C2CD2: variants seen among roughly 807,000 people sequenced by gnomAD.
C2CD2 encodes C2 calcium dependent domain containing 2.
Under a neutral mutation model 74.3 loss-of-function variants are expected in C2CD2, and 43 were observed. The observed-to-expected ratio is 0.58, with a 90% CI of 0.45 to 0.75. The LOEUF (loss-of-function observed/expected upper bound fraction) is 0.75. C2CD2 is among the 30% of genes least tolerant of loss of function. The probability of loss-of-function intolerance (pLI) is 0.00; values close to 1 mark genes in which losing one functional copy is unlikely to be tolerated. For synonymous variants in C2CD2, 422 were observed against 390.7 expected, an observed-to-expected ratio of 1.08 and a Z score of -0.94; for missense variants, 801 against 916.3, an observed-to-expected ratio of 0.87 and a Z score of 1.63.
intron 4 of C2CD2, among the ~76,000 whole-genome samples, chr21:41,918,631 G>A (rs1392304632): frequency 1.3e-5 from 2 of 152,058 alleles, no homozygotes; most frequent in Non-Finnish European, 2.9e-5. Context: ...TGCAGCTCAG[G>A]TGGGAGCCCT....
chr21:41,893,767 T>C (rs1414969345), intron 13 of C2CD2, among the ~76,000 whole-genome samples: 3 of 150,520 alleles, frequency 2.0e-5, no homozygotes, highest in South Asian at 2.1e-4. Context: ...AGTGGTGCTA[T>C]CTCAGCTCAC....
intron 2 of C2CD2, among the ~76,000 whole-genome samples, chr21:41,937,148 C>T (rs1270859371): frequency 6.8e-6 from 1 of 146,188 alleles, no homozygotes; most frequent in African/African-American, 2.6e-5. Context: ...GACGGCATCT[C>T]ACTCTGTTAC....
At chr21:41,896,005 A>C (rs748867660) in intron 13 of C2CD2, among the ~76,000 whole-genome samples, 2 of 152,146 alleles carry the variant, frequency 1.3e-5, no homozygotes, top group Non-Finnish European at 2.9e-5. Flanking sequence ...CAGGTACCAG[A>C]GCGAGCGCCC....
rs10528071 is a variant in C2CD2, at chr21:41,908,243, T to TTGTGTG, written c.1019-465_1019-460dup. On this transcript the variant is annotated intron_variant, in intron 8 of 13. Coordinates refer to ENST00000380486, the MANE Select transcript of C2CD2 (RefSeq NM_015500.2). ...AAGATGCATACAATTTACCCTCAAGTTGTGTGTGTGTGTGTGTGTAAAAGA... is the reference window on the plus strand; with the variant it reads ...AAGATGCATACAATTTACCCTCAAGTTGTGTGTGTGTGTGTGTGTGTGTGTAAAAGA... The TTGTGTG allele has an allele frequency of 4.1e-3, 690 of 168,952 alleles. 9 individuals are homozygous for TTGTGTG. Among genetic ancestry groups the TTGTGTG allele is most frequent in the Non-Finnish European group, 5.9e-3 (485 of 82,516 alleles). 10.5% of individuals were successfully genotyped at this position (168,952 alleles called of 1,614,324 possible). A position where few individuals can be genotyped will look rare whatever the true frequency, so the allele number is the denominator to read the frequency against.
At chr21:41,948,931 T>C (rs1425998134) in intron 1 of C2CD2, among the ~76,000 whole-genome samples, 1 of 142,102 alleles carries the variant, frequency 7.0e-6, no homozygotes, top group South Asian at 2.4e-4. Context: ...ATAGTCTTGA[T>C]CATTTGCAAT....
At chr21:41,916,782 T>C (rs1462337897) in intron 5 of C2CD2, among the ~76,000 whole-genome samples, 2 of 152,132 alleles carry the variant, frequency 1.3e-5, no homozygotes, top group African/African-American at 4.8e-5. Context: ...AAATAAACTG[T>C]ACAAATTTAT....
chr21:41,896,707 CAA>C (rs71332341), intron 13 of C2CD2, among the ~76,000 whole-genome samples: 1,628 of 73,636 alleles, frequency 0.022, 33 homozygotes, highest in African/African-American at 0.079. Flanking sequence ...GTTCTTAAAC[CAA>C]AAAAAAAAAA....
At position 41,920,760 on chromosome 21, in the gene C2CD2, C is replaced by T. The variant is rs746706985; in HGVS notation, c.492+1212G>A. 7.0e-4 allele frequency among the ~76,000 whole-genome samples: 106 copies of T among 152,316 alleles called. 1 individual carries two copies. In the Middle Eastern group the frequency reaches 0.014, roughly 20 times the overall value. On this transcript the variant is annotated intron_variant, in intron 3 of 13. Transcript: ENST00000380486. ...AACAGATCAAAGATACAATTGTGTT[C>T]CTTCTGTGTGAGCTGCTTAAAATGG...
chr21:41,950,572 C>T (rs774804677), intron 1 of C2CD2, among the ~76,000 whole-genome samples: 1 of 152,202 alleles, frequency 6.6e-6, no homozygotes, highest in East Asian at 1.9e-4. Flanking sequence ...ACATTAACAA[C>T]TCTACTCTCT....
chr21:41,946,773 A>T (rs1909130043), intron 1 of C2CD2, among the ~76,000 whole-genome samples: 1 of 152,218 alleles, frequency 6.6e-6, no homozygotes, highest in Non-Finnish European at 1.5e-5. Flanking sequence ...ACACGCTGAC[A>T]TCACAAGCCC....
intron 13 of C2CD2, among the ~76,000 whole-genome samples, chr21:41,897,411 A>G (rs2064836723): frequency 6.6e-6 from 1 of 152,154 alleles, no homozygotes; most frequent in Admixed American, 6.5e-5. Context: ...ACTGTCTACA[A>G]GACAAAGAAT....
At chr21:41,927,448 G>A (rs1020085379) in intron 2 of C2CD2, among the ~76,000 whole-genome samples, 15 of 151,884 alleles carry the variant, frequency 9.9e-5, no homozygotes, top group Non-Finnish European at 1.3e-4. Flanking sequence ...GGGAACCACC[G>A]CACCGGGCTT....
intron 13 of C2CD2, among the ~76,000 whole-genome samples, chr21:41,896,029 C>G (rs2064818264): frequency 6.6e-6 from 1 of 152,034 alleles, no homozygotes; most frequent in South Asian, 2.1e-4. Context: ...CCTGATAGGC[C>G]CTGTACAACC....
Position 41,903,819 on chromosome 21 carries a change from C to T in C2CD2, c.1432+1905G>A, listed in dbSNP as rs2064928386. Reference sequence around the variant, plus strand: ...CATGCATCAGAACCCACAGTGGGAACATCAGCCTAGGTCTTTTAAGAGGGA... The same window carrying T: ...CATGCATCAGAACCCACAGTGGGAATATCAGCCTAGGTCTTTTAAGAGGGA... On this transcript the variant is annotated intron_variant, in intron 11 of 13. Coordinates refer to ENST00000380486, the MANE Select transcript of C2CD2 (RefSeq NM_015500.2). This position sits in a 1 kb window ranked among gnomAD's most constrained non-coding sequence, Gnocchi z 4.5. Among the ~76,000 whole-genome samples, 1 of 152,138 alleles carries T rather than the reference C, an allele frequency of 6.6e-6. No homozygotes were observed. Among genetic ancestry groups the T allele is most frequent in the South Asian group, 2.1e-4 (1 of 4,832 alleles).
Position 41,953,684 on chromosome 21 carries a change from G to A in C2CD2, c.-36C>T. ...CGGCCCGCCTCGCCCCAACTTCCCC[G>A]GCAGCCCCGGGCCGGAACGGCGGAC... On this transcript the variant is annotated 5_prime_UTR_variant, in exon 1 of 14. Coordinates refer to ENST00000380486, the MANE Select transcript of C2CD2 (RefSeq NM_015500.2). 3 of 1,364,184 alleles carry A rather than the reference G, an allele frequency of 2.2e-6. No homozygotes were observed. The highest frequency in any genetic ancestry group is 3.0e-5 in the African/African-American group (2 of 65,680). The allele number at this position is 1,364,184 out of a possible 1,614,324, so 84.5% of individuals were successfully genotyped here. A position where few individuals can be genotyped will look rare whatever the true frequency, so the allele number is the denominator to read the frequency against.
At position 41,887,590 on chromosome 21, in the gene C2CD2, TA is replaced by T. The variant is rs2064699551; in HGVS notation, c.*1533del. On this transcript the variant is annotated 3_prime_UTR_variant, in exon 14 of 14. Transcript: ENST00000380486. ...TTTTGGTTTTTATATAGGTTTTTAC[TA>T]AAAAAGAAAAAAATCCTATAATTTT... The T allele has an allele frequency of 6.6e-6, 1 of 150,596 alleles. No individual in the cohort carries two copies. Among genetic ancestry groups the T allele is most frequent in the Non-Finnish European group, 1.5e-5 (1 of 67,864 alleles). The allele number at this position is 150,596 out of a possible 1,614,324, so 9.3% of individuals were successfully genotyped here. A position where few individuals can be genotyped will look rare whatever the true frequency, so the allele number is the denominator to read the frequency against.
At position 41,913,054 on chromosome 21, in the gene C2CD2, C is replaced by T. The variant is rs531208793; in HGVS notation, c.845-614G>A. Among the ~76,000 whole-genome samples the T allele has an allele frequency of 6.6e-5, 10 of 152,362 alleles. No homozygotes were observed. The East Asian group carries it at 1.9e-3, about 29-fold the overall frequency. On this transcript the variant is annotated intron_variant, in intron 6 of 13. Coordinates refer to ENST00000380486, the MANE Select transcript of C2CD2 (RefSeq NM_015500.2). ...CGTGGGCTCCCAGGGGGACCCTCCCCGAGAGGCAGCACCATTATATACACA... is the reference window on the plus strand; with the variant it reads ...CGTGGGCTCCCAGGGGGACCCTCCCTGAGAGGCAGCACCATTATATACACA...
chr21:41,905,883 TG>T (rs1403200814), intron 10 of C2CD2, 46 bp from the exon 11 acceptor site: 1 of 1,032,716 alleles, frequency 9.7e-7, no homozygotes, highest in Non-Finnish European at 1.5e-6. Context: ...CGTGGCTGAC[TG>T]GATCAACAGT....
intron 2 of C2CD2, among the ~76,000 whole-genome samples, chr21:41,925,862 C>T (rs752891943): frequency 1.3e-4 from 20 of 152,252 alleles, no homozygotes; most frequent in South Asian, 1.0e-3. Context: ...TAAATACCCA[C>T]GAGTGGGTAG....
Sources: gnomAD v4.1 joint callset for allele counts (sites outside exome capture counted in the v4.1 genomes callset) on GRCh38, gnomAD v4.1.1 for gene constraint, Gnocchi (gnomAD v3.1) non-coding constraint, MANE v1.5 for transcripts, NCBI Gene and HGNC (gene_info 2026-07-23, HGNC 2026-07-21) for gene names.